Variants in NBPF11 observed in about 807,000 individuals in gnomAD.
NBPF11 encodes the protein NBPF family member NBPF11.
Under a neutral mutation model 93.9 loss-of-function variants are expected in NBPF11, and 72 were observed. The ratio of observed to expected loss-of-function variants is 0.77; its 90% CI spans 0.63 to 0.93. The LOEUF (loss-of-function observed/expected upper bound fraction) is 0.93, where lower values mean the gene tolerates loss of function less well. NBPF11 is among the 40% of genes least tolerant of loss of function. The pLI, the probability that NBPF11 is intolerant of heterozygous loss-of-function variation, is 0.00. For synonymous variants in NBPF11, 224 were observed against 304.9 expected (o/e 0.73, Z 2.76); for missense variants, 705 against 802.2 (o/e 0.88, Z 1.46).
At chr1:148,146,878 C>T (rs1321675055) in intron 1 of NBPF11, 7 of 1,613,586 alleles carry the variant, frequency 4.3e-6, no homozygotes, top group African/African-American at 1.3e-5. Context: ...CGAGAGGAAC[C>T]TCTATGCCGA....
chr1:148,149,690 A>G, intron 1 of NBPF11: 1 of 673,450 alleles, frequency 1.5e-6, no homozygotes, highest in African/African-American at 1.9e-5. Flanking sequence ...GCCCCGACCC[A>G]GGGGCTGTGG....
chr1:148,115,292 A>C (rs1456492166), intron 14 of NBPF11, among the ~76,000 whole-genome samples: 2 of 150,800 alleles, frequency 1.3e-5, no homozygotes, highest in Non-Finnish European at 2.9e-5. Flanking sequence ...GAAATATATC[A>C]GCAAAGTAAA....
chr1:148,107,537 G>A (rs1664016486), intron 19 of NBPF11, among the ~76,000 whole-genome samples, 174 bp downstream of exon 19: 1 of 152,306 alleles, frequency 6.6e-6, no homozygotes, highest in Non-Finnish European at 1.5e-5. Context: ...AAATGACAAG[G>A]GGAGGAAGAA....
In NBPF11 at chr1:148,120,484, G is replaced by A; in HGVS notation, c.988+17C>T. The A allele has an allele frequency of 3.3e-6, 3 of 902,552 alleles. No individual in the cohort carries two copies. In the South Asian group the frequency reaches 3.9e-5, roughly 12 times the overall value. 55.9% of individuals were successfully genotyped at this position (902,552 alleles called of 1,614,324 possible). On this transcript the variant is annotated intron_variant, in intron 10 of 23. Transcript: ENST00000682118. The stretch of plus-strand genomic sequence containing the variant: ...CTTCGTTCATCACTTTCGTGATGGT[G>A]AGCATATAGATCTTACTGTATTTGT...
intron 1 of NBPF11, among the ~76,000 whole-genome samples, chr1:148,145,759 G>C (rs1410918460): frequency 6.6e-6 from 1 of 150,680 alleles, no homozygotes; most frequent in Non-Finnish European, 1.5e-5. Context: ...GTCTCCTGTA[G>C]GTCCCAGCTA....
chr1:148,132,969 C>A (rs1670668218), intron 4 of NBPF11, among the ~76,000 whole-genome samples: 1 of 147,640 alleles, frequency 6.8e-6, no homozygotes, highest in African/African-American at 2.5e-5. Context: ...GCATGATGGT[C>A]TCCATCTCCT....
chr1:148,127,920 G>A (rs1245241561), intron 4 of NBPF11, among the ~76,000 whole-genome samples: 1 of 151,894 alleles, frequency 6.6e-6, no homozygotes, highest in Non-Finnish European at 1.5e-5. Flanking sequence ...CTCCCAAAGT[G>A]CTGGGATTAC....
rs1200226007 is a variant in NBPF11 at position 148,144,906 on chromosome 1, C to A, written c.-548-1220G>T. Reference sequence around the variant, plus strand: ...ACTACTTGAGCCCAAGGGTTTGAGACCAACCTGGGAAACATGTTGAATCCC... The same window carrying A: ...ACTACTTGAGCCCAAGGGTTTGAGAACAACCTGGGAAACATGTTGAATCCC... On this transcript the variant is annotated intron_variant, in intron 1 of 23. Transcript: ENST00000682118. Among the ~76,000 whole-genome samples the A allele has an allele frequency of 5.3e-4, 80 of 150,826 alleles. 2 individuals carry two copies. The highest frequency in any genetic ancestry group is 2.0e-3 in the African/African-American group (80 of 40,672).
chr1:148,106,500 C>T (rs1663653669), intron 20 of NBPF11, among the ~76,000 whole-genome samples: 1 of 139,264 alleles, frequency 7.2e-6, no homozygotes, highest in Non-Finnish European at 1.5e-5. Context: ...CCTTATTGTT[C>T]CCATCAGTTC....
chr1:148,141,342 G>A (rs1249023086), intron 2 of NBPF11, among the ~76,000 whole-genome samples: 5 of 152,046 alleles, frequency 3.3e-5, no homozygotes, highest in African/African-American at 2.4e-5. Context: ...CAATTGTAAC[G>A]AATGGACCAC....
chr1:148,122,321 C>A (rs1425735965), intron 8 of NBPF11, 55 bp from the exon 9 acceptor site: 4 of 1,609,664 alleles, frequency 2.5e-6, no homozygotes, highest in South Asian at 2.2e-5. Flanking sequence ...AGGGATTGGA[C>A]CCCAAGGAGT....
intron 1 of NBPF11, chr1:148,146,566 G>C: frequency 1.2e-6 from 2 of 1,606,214 alleles, no homozygotes. Context: ...GACCCTGAGA[G>C]CCTCCTCGGG....
intron 2 of NBPF11, among the ~76,000 whole-genome samples, chr1:148,142,010 GAGGGAGGA>G (rs1672252192): frequency 7.1e-6 from 1 of 140,878 alleles, no homozygotes; most frequent in Non-Finnish European, 1.5e-5. Context: ...GGGAAGGAGG[GAGGGAGGA>G]AGGAAGGAAG....
At chr1:148,113,065 CG>C (rs1376413412) in intron 15 of NBPF11, among the ~76,000 whole-genome samples, 6 of 151,984 alleles carry the variant, frequency 3.9e-5, no homozygotes, top group Non-Finnish European at 8.8e-5. Flanking sequence ...CATCAACTAA[CG>C]GGTGAAATAA....
At chr1:148,148,044 G>A (rs1438819543) in intron 1 of NBPF11, among the ~76,000 whole-genome samples, 4 of 152,174 alleles carry the variant, frequency 2.6e-5, no homozygotes, top group East Asian at 1.9e-4. Flanking sequence ...GCAGCTGGGG[G>A]CTCCTGCCTG....
chr1:148,146,930 G>A (rs1318242182), intron 1 of NBPF11: 25 of 1,601,628 alleles, frequency 1.6e-5, no homozygotes, highest in South Asian at 4.4e-5. Flanking sequence ...AGGTGAGGGC[G>A]ACCCTGGGGG....
chr1:148,140,642 G>T (rs1371104905), intron 2 of NBPF11, among the ~76,000 whole-genome samples: 7 of 149,900 alleles, frequency 4.7e-5, no homozygotes, highest in Admixed American at 4.7e-4. Context: ...TGGCAAATAA[G>T]CATATGAGAA....
chr1:148,103,963 C>G (rs1662900652), intron 23 of NBPF11, 51 bp from the exon 24 acceptor site: 2 of 1,610,028 alleles, frequency 1.2e-6, no homozygotes, highest in African/African-American at 1.3e-5. Context: ...TCAGACACCA[C>G]AGAGCCCCAC....
rs1662855144 is a variant in NBPF11, at chr1:148,103,832, A to G, written c.*64T>C. ...GAATGAGTCAGGTAGTTCAAAGTACATTGATGGAGTCGAATAATATCTATC... is the reference window on the plus strand; with the variant it reads ...GAATGAGTCAGGTAGTTCAAAGTACGTTGATGGAGTCGAATAATATCTATC... On this transcript the variant is annotated 3_prime_UTR_variant, in exon 24 of 24. Transcript: ENST00000682118. The G allele has an allele frequency of 3.1e-6, 5 of 1,611,586 alleles. No individual in the cohort carries two copies. The highest frequency in any genetic ancestry group is 1.1e-5 in the South Asian group (1 of 90,988).
Sources: gnomAD v4.1 joint callset for allele counts (sites outside exome capture counted in the v4.1 genomes callset) on GRCh38, gnomAD v4.1.1 for gene constraint, MANE v1.5 for transcripts, NCBI Gene and HGNC (gene_info 2026-07-23, HGNC 2026-07-21) for gene names.